Variants in CYP2B6 observed in about 807,000 individuals in gnomAD.
CYP2B6 encodes the protein cytochrome P450 2B6.
In CYP2B6, 35 loss-of-function variants were observed where a neutral mutation model predicts 43.4. That is an observed-to-expected ratio of 0.81 (90% confidence interval 0.62 to 1.07). The LOEUF is 1.07. Among genes scored for constraint, CYP2B6 ranks in the 50% least tolerant of loss-of-function variants. The pLI is 0.00. For synonymous variants in CYP2B6, 239 were observed against 239.2 expected (o/e 1.00, Z 0.01); for missense variants, 624 against 632.8 (o/e 0.99, Z 0.15).
chr19:41,007,410 G>C lies in CYP2B6; in HGVS notation c.645+345G>C, dbSNP rs566096776. 167 of 299,376 alleles carry C rather than the reference G, an allele frequency of 5.6e-4. 1 individual carries two copies. The highest frequency in any genetic ancestry group is 7.4e-4 in the Non-Finnish European group (116 of 157,688). The allele number at this position is 299,376 out of a possible 1,614,324, so 18.5% of individuals were successfully genotyped here. A position where few individuals can be genotyped will look rare whatever the true frequency, so the allele number is the denominator to read the frequency against. ...AGTGTGAAAGAGAGGGAGAGAGAGAGAACGAATAAGGCTTTGGGCTTCATG... is the reference window on the plus strand; with the variant it reads ...AGTGTGAAAGAGAGGGAGAGAGAGACAACGAATAAGGCTTTGGGCTTCATG... On this transcript the variant is annotated intron_variant, in intron 4 of 8. Coordinates refer to ENST00000324071, the MANE Select transcript of CYP2B6 (RefSeq NM_000767.5).
chr19:40,998,415 C>G lies in CYP2B6; in HGVS notation c.172-5586C>G, dbSNP rs370980007. ...TTTGTATTTGCCTAAAATGAGTTTTCTTTCTTTCTTTTTTATTATTATTAT... is the reference window on the plus strand; with the variant it reads ...TTTGTATTTGCCTAAAATGAGTTTTGTTTCTTTCTTTTTTATTATTATTAT... On this transcript the variant is annotated intron_variant, in intron 1 of 8. Coordinates refer to ENST00000324071, the MANE Select transcript of CYP2B6 (RefSeq NM_000767.5). Among the ~76,000 whole-genome samples the G allele has an allele frequency of 1.6e-4, 24 of 152,014 alleles. No individual in the cohort carries two copies. In the South Asian group the frequency reaches 5.0e-3, roughly 32 times the overall value.
chr19:41,009,989 C>T lies in CYP2B6; in HGVS notation c.823-5C>T, dbSNP rs374642809. ...CCTCCCCTTCCTTCCCTACTGTGGA[C>T]GCAGGAGAAATCCAACGCACACAGT... On this transcript the variant is annotated splice_polypyrimidine_tract_variant and splice_region_variant and intron_variant, in intron 5 of 8. Transcript: ENST00000324071. The T allele has an allele frequency of 1.8e-5, 29 of 1,614,070 alleles. No homozygotes were observed. Among genetic ancestry groups the T allele is most frequent in the African/African-American group, 1.1e-4 (8 of 75,020 alleles).
At chr19:41,000,055 G>T (rs189231110) in intron 1 of CYP2B6, among the ~76,000 whole-genome samples, 2 of 152,102 alleles carry the variant, frequency 1.3e-5, no homozygotes, top group African/African-American at 4.8e-5. Context: ...GGGGCAAATT[G>T]TTTTTGTCGT....
intron 1 of CYP2B6, among the ~76,000 whole-genome samples, chr19:40,993,288 A>G (rs73559241): frequency 0.081 from 12,265 of 152,210 alleles, 1,678 homozygotes; most frequent in African/African-American, 0.28. Flanking sequence ...TTATAAAGAC[A>G]TACCTGAGAC....
chr19:41,009,327 C>A lies in CYP2B6; in HGVS notation c.754C>A (p.His252Asn), dbSNP rs1428141338. Residue 252 changes from histidine (H) to asparagine (N), a missense_variant, in exon 5 of 9, where the codon CAC becomes AAC. Coordinates refer to ENST00000324071, the MANE Select transcript of CYP2B6 (RefSeq NM_000767.5). ...NAYIGHSVEKHRETLDPSAPK... is the reference protein window; with the variant it reads ...NAYIGHSVEKNRETLDPSAPK... ...TTACATTGGCCACAGTGTGGAGAAG[C>A]ACCGTGAAACCCTGGACCCCAGCGC... is the stretch of plus-strand genomic sequence containing the variant. 3 of 1,610,884 alleles carry A rather than the reference C, an allele frequency of 1.9e-6. No homozygotes were observed. The highest frequency in any genetic ancestry group is 2.5e-6 in the Non-Finnish European group (3 of 1,177,868).
chr19:41,001,409 C>T (rs1305035783), intron 1 of CYP2B6, among the ~76,000 whole-genome samples: 7 of 152,044 alleles, frequency 4.6e-5, no homozygotes, highest in Non-Finnish European at 1.0e-4. Flanking sequence ...AGGGCATGAG[C>T]AAGTGTGCAT....
chr19:41,010,825 T>C (rs1361241448), intron 6 of CYP2B6, among the ~76,000 whole-genome samples: 1 of 152,136 alleles, frequency 6.6e-6, no homozygotes, highest in Non-Finnish European at 1.5e-5. Context: ...CTTCACTGTG[T>C]ATCATTCCTC....
intron 6 of CYP2B6, among the ~76,000 whole-genome samples, chr19:41,011,952 A>T (rs35323827): frequency 0.052 from 7,856 of 151,484 alleles, 231 homozygotes; most frequent in Middle Eastern, 0.099. Flanking sequence ...TTTTAAAAAA[A>T]TTTTTTTTTC....
intron 1 of CYP2B6, among the ~76,000 whole-genome samples, chr19:41,000,738 T>C (rs1043380305): frequency 2.0e-5 from 3 of 152,060 alleles, no homozygotes; most frequent in Non-Finnish European, 2.9e-5. Context: ...GCTACCCTCA[T>C]CTTAGAATTA....
rs191261816 is a variant in CYP2B6 at position 41,017,830 on chromosome 19, C to T, written c.*1003C>T. On this transcript the variant is annotated 3_prime_UTR_variant, in exon 9 of 9. Coordinates refer to ENST00000324071, the MANE Select transcript of CYP2B6 (RefSeq NM_000767.5). ...GGACTTACCAATTCTGAATATTTCC[C>T]ATAAACAGAATCATACAATATTTGA... is the stretch of plus-strand genomic sequence containing the variant. 202 of 151,354 alleles carry T rather than the reference C, an allele frequency of 1.3e-3. No homozygotes were observed. The highest frequency in any genetic ancestry group is 4.7e-3 in the African/African-American group (195 of 41,176). The allele number at this position is 151,354 out of a possible 1,614,324, so 9.4% of individuals were successfully genotyped here.
intron 6 of CYP2B6, among the ~76,000 whole-genome samples, chr19:41,011,783 T>C (rs6508965): frequency 0.68 from 102,726 of 151,742 alleles, 35,273 homozygotes; most frequent in Middle Eastern, 0.82. Context: ...GAAGAGGATC[T>C]GTAATATTCA....
chr19:41,005,555 C>T (rs548568868), intron 3 of CYP2B6, among the ~76,000 whole-genome samples: 221 of 152,018 alleles, frequency 1.5e-3, no homozygotes, highest in African/African-American at 4.8e-3. Flanking sequence ...CTGAGGCTGG[C>T]GGATCATTTG....
At chr19:41,000,658 T>C (rs1342015258) in intron 1 of CYP2B6, among the ~76,000 whole-genome samples, 3 of 152,150 alleles carry the variant, frequency 2.0e-5, no homozygotes, top group African/African-American at 7.2e-5. Flanking sequence ...CTAATGTGTC[T>C]AGGAATTATC....
chr19:41,015,909 C>G (rs1969355500), intron 8 of CYP2B6, among the ~76,000 whole-genome samples: 1 of 151,896 alleles, frequency 6.6e-6, no homozygotes, highest in South Asian at 2.1e-4. Context: ...TCACAAGAGC[C>G]CTTTGAGGGA....
chr19:40,995,207 C>T (rs1316348101), intron 1 of CYP2B6, among the ~76,000 whole-genome samples: 1 of 152,130 alleles, frequency 6.6e-6, no homozygotes, highest in Non-Finnish European at 1.5e-5. Flanking sequence ...GATCCACAAT[C>T]TTGGAAAAGC....
chr19:41,013,530 A>T (rs1251789344), intron 8 of CYP2B6, among the ~76,000 whole-genome samples: 2 of 151,738 alleles, frequency 1.3e-5, no homozygotes, highest in Non-Finnish European at 2.9e-5. Flanking sequence ...TAGAAACGTG[A>T]TATGGCACCA....
chr19:41,005,263 T>C (rs1304528632), intron 3 of CYP2B6, among the ~76,000 whole-genome samples: 2 of 151,998 alleles, frequency 1.3e-5, no homozygotes, highest in African/African-American at 2.4e-5. Context: ...CTGTGAGACA[T>C]GTAGGTGAAG....
chr19:41,003,221 G>A (rs1355004849), intron 1 of CYP2B6, among the ~76,000 whole-genome samples: 3 of 152,012 alleles, frequency 2.0e-5, no homozygotes, highest in African/African-American at 7.3e-5. Flanking sequence ...TTATCCACTG[G>A]AGATATCTTC....
At chr19:41,005,306 C>A (rs1599846729) in intron 3 of CYP2B6, among the ~76,000 whole-genome samples, 2 of 152,024 alleles carry the variant, frequency 1.3e-5, no homozygotes, top group African/African-American at 2.4e-5. Context: ...CTCATTCATG[C>A]CAGGTGTTTA....
Sources: allele counts gnomAD v4.1 joint callset (sites outside exome capture counted in the v4.1 genomes callset), GRCh38; gene constraint gnomAD v4.1.1; transcripts MANE v1.5; gene names NCBI Gene and HGNC (gene_info 2026-07-23, HGNC 2026-07-21).